SERPINB12: variants seen among roughly 807,000 people sequenced by gnomAD.
SERPINB12 encodes serpin B12.
In SERPINB12, 57 loss-of-function variants were observed where a neutral mutation model predicts 41.1. That is an observed-to-expected ratio of 1.39 (90% CI 1.12 to 1.73). The LOEUF is 1.73. Among genes scored for constraint, SERPINB12 ranks in the 40% most tolerant of loss-of-function variants. The probability of loss-of-function intolerance (pLI) is 0.00; values close to 1 mark genes in which losing one functional copy is unlikely to be tolerated. For synonymous variants in SERPINB12, 180 were observed against 181.3 expected (o/e 0.99, Z 0.06); for missense variants, 536 against 501.9 (o/e 1.07, Z -0.65).
chr18:63,562,109 T>C (rs1323576098), intron 5 of SERPINB12, among the ~76,000 whole-genome samples: 1 of 152,186 alleles, frequency 6.6e-6, no homozygotes, highest in Non-Finnish European at 1.5e-5. Flanking sequence ...GCAGTTTTGG[T>C]CTCTGGTCTT....
Position 63,559,095 on chromosome 18 carries a change from C to CTCTT in SERPINB12, c.304-469_304-466dup, listed in dbSNP as rs1363907644. Among the ~76,000 whole-genome samples the CTCTT allele has an allele frequency of 7.2e-4, 81 of 112,940 alleles. 1 individual carries two copies. The highest frequency in any genetic ancestry group is 1.0e-3 in the Non-Finnish European group (53 of 52,132). The allele number at this position is 112,940 out of a possible 152,430, so 74.1% of individuals were successfully genotyped here. ...TCTCCTTCTCTCCTTCTCTCTTTCT[C>CTCTT]TCTTTCTTTCTTTCTTTTTGTTTTT... is the stretch of plus-strand genomic sequence containing the variant. On this transcript the variant is annotated intron_variant, in intron 3 of 7. Transcript: ENST00000382768.
upstream of SERPINB12, among the ~76,000 whole-genome samples, chr18:63,542,352 A>T (rs1209912259): frequency 6.6e-6 from 1 of 152,264 alleles, no homozygotes; most frequent in African/African-American, 2.4e-5. Flanking sequence ...TTAAAGTGAC[A>T]GAATAGCTTG....
intron 1 of SERPINB12, among the ~76,000 whole-genome samples, chr18:63,549,890 G>GC (rs1910481228): frequency 6.6e-6 from 1 of 152,196 alleles, no homozygotes; most frequent in Non-Finnish European, 1.5e-5. Context: ...CCAGAGGGTG[G>GC]CCTGGTATAG....
upstream of SERPINB12, among the ~76,000 whole-genome samples, chr18:63,540,931 G>A (rs1376811007): frequency 6.6e-6 from 1 of 152,146 alleles, no homozygotes; most frequent in African/African-American, 2.4e-5. Flanking sequence ...GCTCAGCTAT[G>A]TATAAAGTGT....
In SERPINB12 at chr18:63,566,998, T is replaced by C. The variant is rs200886650; in HGVS notation, c.1265T>C (p.Val422Ala). 1.9e-6 allele frequency: 3 copies of C among 1,585,036 alleles called. No homozygotes were observed. The African/African-American group carries it at 4.1e-5, about 22-fold the overall frequency. The change falls in exon 8 of 8, where the codon GTC (valine) becomes GCC (alanine). Residue 422 changes from valine to alanine, a missense_variant. Physicochemically the swap from Val to Ala is moderately conservative, Grantham distance 64. Coordinates refer to ENST00000382768, the MANE Select transcript of SERPINB12 (RefSeq NM_001307928.2). The part of the protein sequence containing the change: ...KTQTILFYGR[V>A]CSP ...CAAACCATTCTCTTTTATGGCAGGG[T>C]CTGCTCTCCTTAAAAGGGGAGCAGT...
intron 5 of SERPINB12, 79 bp from the exon 6 acceptor site, chr18:63,563,899 A>G: frequency 1.6e-6 from 2 of 1,213,720 alleles, no homozygotes; most frequent in Non-Finnish European, 2.2e-6. Context: ...TCTGTCTCAA[A>G]AAAAAAAAAA....
chr18:63,525,671 A>G, the SERPINB12 span, among the ~76,000 whole-genome samples: 3 of 152,178 alleles, frequency 2.0e-5, no homozygotes, highest in Non-Finnish European at 2.9e-5. Context: ...ATAAATATTT[A>G]TCCAACTTAT....
the SERPINB12 span, among the ~76,000 whole-genome samples, chr18:63,528,976 C>A: frequency 3.9e-5 from 6 of 152,288 alleles, no homozygotes; most frequent in African/African-American, 1.4e-4. Context: ...GAAAAGGCAA[C>A]TCCTGGAAGT....
intron 1 of SERPINB12, among the ~76,000 whole-genome samples, chr18:63,549,022 T>C (rs1910456470): frequency 6.6e-6 from 1 of 152,074 alleles, no homozygotes; most frequent in Admixed American, 6.5e-5. Context: ...TTTAAGTATC[T>C]AGCAATATGA....
At chr18:63,556,458 C>A (rs528415001) in intron 2 of SERPINB12, 131 bp downstream of exon 2, 21 of 652,150 alleles carry the variant, frequency 3.2e-5, no homozygotes, top group Non-Finnish European at 4.8e-5. Context: ...ATCCCTGTCT[C>A]TGAGTCTTTA....
At chr18:63,544,556 T>C (rs1341458115) in intron 1 of SERPINB12, among the ~76,000 whole-genome samples, 1 of 152,156 alleles carries the variant, frequency 6.6e-6, no homozygotes, top group African/African-American at 2.4e-5. Context: ...TTTACTGCTT[T>C]TTCTATGTGT....
At chr18:63,547,222 T>A (rs544640872) in intron 1 of SERPINB12, among the ~76,000 whole-genome samples, 16 of 152,350 alleles carry the variant, frequency 1.1e-4, no homozygotes, top group East Asian at 9.6e-4. Flanking sequence ...TTGATTTTTT[T>A]AAAATGTAGA....
At chr18:63,538,794 T>C (rs1439039927), upstream of SERPINB12, among the ~76,000 whole-genome samples, 1 of 152,184 alleles carries the variant, frequency 6.6e-6, no homozygotes, top group Non-Finnish European at 1.5e-5. Context: ...GCTGCATCAT[T>C]TTACATTTCC....
chr18:63,525,099 T>C, the SERPINB12 span, among the ~76,000 whole-genome samples: 2 of 152,206 alleles, frequency 1.3e-5, no homozygotes, highest in Non-Finnish European at 2.9e-5. Context: ...TTACCAAAAA[T>C]GTATTTTCAC....
the SERPINB12 span, among the ~76,000 whole-genome samples, chr18:63,528,644 T>A: frequency 6.6e-6 from 1 of 151,944 alleles, no homozygotes; most frequent in South Asian, 2.1e-4. Flanking sequence ...AATCAAAGAG[T>A]GCTCACAAAA....
chr18:63,561,972 C>A (rs1205959125), intron 5 of SERPINB12, among the ~76,000 whole-genome samples: 3 of 152,038 alleles, frequency 2.0e-5, no homozygotes, highest in African/African-American at 7.2e-5. Context: ...TGCCATGTAA[C>A]AAACCTGCAC....
At chr18:63,562,928 A>C (rs561287859) in intron 5 of SERPINB12, among the ~76,000 whole-genome samples, 147 of 152,338 alleles carry the variant, frequency 9.6e-4, no homozygotes, top group Middle Eastern at 3.4e-3. Context: ...TGTATACTAA[A>C]GGTGGGATAT....
chr18:63,523,675 A>G, the SERPINB12 span, among the ~76,000 whole-genome samples: 1 of 152,252 alleles, frequency 6.6e-6, no homozygotes, highest in Non-Finnish European at 1.5e-5. Flanking sequence ...TACAGAATCA[A>G]GTTATACTGG....
intron 3 of SERPINB12, among the ~76,000 whole-genome samples, chr18:63,559,052 T>TTCTTTCTTTCTTTC (rs1910800030): frequency 7.6e-6 from 1 of 132,058 alleles, no homozygotes; most frequent in African/African-American, 2.7e-5. Context: ...CTTTCTTTCT[T>TTCTTTCTTTCTTTC]TCTTTCTCTC....
Sources: gnomAD v4.1 joint callset for allele counts (sites outside exome capture counted in the v4.1 genomes callset) on GRCh38, gnomAD v4.1.1 for gene constraint, MANE v1.5 for transcripts, NCBI Gene and HGNC (gene_info 2026-07-23, HGNC 2026-07-21) for gene names.